Variants in PSMD11 observed in about 807,000 individuals in gnomAD.
PSMD11 encodes proteasome 26S subunit, non-ATPase 11.
PSMD11 carries 5 observed loss-of-function variants against 62.3 expected under a neutral mutation model. The observed-to-expected ratio is 0.08, with a 90% CI of 0.04 to 0.17. The LOEUF is 0.17. Ranked by LOEUF, PSMD11 falls within the 10% of genes least tolerant of loss-of-function variation. The pLI, the probability that PSMD11 is intolerant of heterozygous loss-of-function variation, is 1.00. For missense variants in PSMD11, 310 were observed against 512.9 expected (o/e 0.60, Z 3.82); for synonymous variants, 191 against 191.8 (o/e 1.00, Z 0.03).
At chr17:32,472,386 C>T (rs1908190004) in intron 6 of PSMD11, among the ~76,000 whole-genome samples, 1 of 151,588 alleles carries the variant, frequency 6.6e-6, no homozygotes, top group African/African-American at 2.4e-5. Context: ...CCAAGGCCGG[C>T]TAATTTTTGT....
intron 4 of PSMD11, 99 bp from the exon 5 acceptor site, chr17:32,464,422 A>G (rs1567855235): frequency 1.0e-6 from 1 of 982,338 alleles, no homozygotes; most frequent in Middle Eastern, 2.2e-4. Context: ...ATCATCAGAA[A>G]TTGCATATTT....
chr17:32,459,947 AT>A (rs1907774365), intron 3 of PSMD11, among the ~76,000 whole-genome samples: 1 of 152,016 alleles, frequency 6.6e-6, no homozygotes, highest in Non-Finnish European at 1.5e-5. Flanking sequence ...TTCTTTTAAA[AT>A]TTTTTGACTG....
intron 11 of PSMD11, 46 bp from the exon 12 acceptor site, chr17:32,480,100 C>A (rs1233052053): frequency 6.3e-7 from 1 of 1,590,330 alleles, no homozygotes; most frequent in Admixed American, 1.7e-5. Flanking sequence ...AGGGTGATCT[C>A]TGACTAGTGG....
intron 12 of PSMD11, 89 bp downstream of exon 12, chr17:32,480,286 T>TC: frequency 5.8e-6 from 9 of 1,546,512 alleles, no homozygotes; most frequent in Non-Finnish European, 8.0e-6. Flanking sequence ...TCTATTTGTT[T>TC]CCCCCGATGG....
intron 8 of PSMD11, 23 bp downstream of exon 8, chr17:32,474,847 T>C (rs1167326217): frequency 1.2e-6 from 2 of 1,604,748 alleles, no homozygotes; most frequent in East Asian, 2.2e-5. Context: ...TTGACTGCAG[T>C]TCTGCTCACT....
At chr17:32,444,765 C>CT (rs1328844067) in intron 1 of PSMD11, 151 bp downstream of exon 1, 38 of 853,008 alleles carry the variant, frequency 4.5e-5, no homozygotes, top group Admixed American at 6.0e-5. Flanking sequence ...CCGCTCGGAG[C>CT]TCCCCAGAGC....
chr17:32,476,166 G>T (rs1211429269), intron 8 of PSMD11, among the ~76,000 whole-genome samples: 4 of 152,120 alleles, frequency 2.6e-5, no homozygotes, highest in Non-Finnish European at 2.9e-5. Context: ...TACTCAGGAG[G>T]CTGAGGCAGG....
At chr17:32,450,625 A>C (rs1239019825) in intron 2 of PSMD11, among the ~76,000 whole-genome samples, 2 of 152,038 alleles carry the variant, frequency 1.3e-5, no homozygotes, top group African/African-American at 4.8e-5. Context: ...TAATCCCAGT[A>C]AGAATAGGAG....
chr17:32,448,321 AG>A (rs1907389497), intron 2 of PSMD11, among the ~76,000 whole-genome samples: 1 of 152,150 alleles, frequency 6.6e-6, no homozygotes, highest in Non-Finnish European at 1.5e-5. Context: ...AGCTATAAAA[AG>A]AACCATCCAT....
At chr17:32,469,664 A>G (rs61351206) in intron 6 of PSMD11, among the ~76,000 whole-genome samples, 7 of 151,574 alleles carry the variant, frequency 4.6e-5, no homozygotes, top group African/African-American at 9.7e-5. Flanking sequence ...CTGGGAAGCC[A>G]TGGATTGGCA....
At chr17:32,445,842 A>G (rs1437533635) in intron 1 of PSMD11, 2 of 152,248 alleles carry the variant, frequency 1.3e-5, no homozygotes, top group African/African-American at 4.8e-5. Context: ...GTGGGCGTCA[A>G]GGTGTATCTT....
At chr17:32,463,827 CCTAAAAAA>C (rs1274613722) in intron 3 of PSMD11, among the ~76,000 whole-genome samples, 2 of 152,006 alleles carry the variant, frequency 1.3e-5, no homozygotes, top group Non-Finnish European at 2.9e-5. Flanking sequence ...GAGCTCTTTT[CCTAAAAAA>C]CATAATCTAA....
chr17:32,477,710 C>T (rs1567859047), intron 9 of PSMD11, 127 bp downstream of exon 9: 2 of 728,532 alleles, frequency 2.7e-6, no homozygotes, highest in Non-Finnish European at 4.3e-6. Context: ...GTATCCTTCA[C>T]CTAGGACAGT....
At chr17:32,461,482 A>G (rs1175588679) in intron 3 of PSMD11, among the ~76,000 whole-genome samples, 10 of 151,860 alleles carry the variant, frequency 6.6e-5, no homozygotes, top group Non-Finnish European at 8.8e-5. Context: ...GAGGCAGGAG[A>G]AGTGCTTGAA....
rs1218897425 is a variant in PSMD11 at position 32,480,649 on chromosome 17, G to T, written c.*18G>T. 1.9e-6 allele frequency: 3 copies of T among 1,613,742 alleles called. No homozygotes were observed. The South Asian group carries it at 3.3e-5, about 18-fold the overall frequency. On this transcript the variant is annotated intron_variant, in intron 13 of 13. Transcript: ENST00000261712. ...TGACATAGGTGAGTGCTGGCTTCAG[G>T]ACCCCAGGGCTGGGCAGCTCTGTCT...
intron 2 of PSMD11, chr17:32,447,269 A>G (rs1445428027): frequency 4.5e-6 from 2 of 446,318 alleles, no homozygotes; most frequent in Non-Finnish European, 7.9e-6. Flanking sequence ...TTGTTGGGAT[A>G]TAGTGATTTC....
At position 32,480,879 on chromosome 17, in the gene PSMD11, T is replaced by G; in HGVS notation, c.*127T>G. On this transcript the variant is annotated 3_prime_UTR_variant, in exon 14 of 14. Coordinates refer to ENST00000261712, the MANE Select transcript of PSMD11 (RefSeq NM_002815.4). ...GCTCGGAAAGTTTTTAAATCCTCAT[T>G]TGGTGCATCTGTATTCCAGCCAATA... The G allele has an allele frequency of 2.4e-6, 1 of 422,204 alleles. No individual in the cohort carries two copies. The highest frequency in any genetic ancestry group is 2.0e-5 in the African/African-American group (1 of 49,984). 26.2% of individuals were successfully genotyped at this position (422,204 alleles called of 1,614,324 possible).
At chr17:32,478,816 G>A (rs79914337) in intron 9 of PSMD11, among the ~76,000 whole-genome samples, 116 of 152,226 alleles carry the variant, frequency 7.6e-4, no homozygotes, top group Non-Finnish European at 1.3e-3. Context: ...TTGCTCTTGG[G>A]GCTTACATGG....
At position 32,482,721 on chromosome 17, in the gene PSMD11, T is replaced by C. The variant is rs1159121079; in HGVS notation, c.*1969T>C. The C allele has an allele frequency of 1.3e-5, 2 of 152,196 alleles. No homozygotes were observed. The highest frequency in any genetic ancestry group is 6.5e-5 in the Admixed American group (1 of 15,280). The allele number at this position is 152,196 out of a possible 1,614,324, so 9.4% of individuals were successfully genotyped here. On this transcript the variant is annotated 3_prime_UTR_variant, in exon 14 of 14. Transcript: ENST00000261712. Reference sequence around the variant, plus strand: ...TGATTGTGATGTGAAGCTTAGTAAGTCATAGACGTGCAGGTGTCTGGAGAG... The same window carrying C: ...TGATTGTGATGTGAAGCTTAGTAAGCCATAGACGTGCAGGTGTCTGGAGAG...
Sources: allele counts gnomAD v4.1 joint callset (sites outside exome capture counted in the v4.1 genomes callset), GRCh38; gene constraint gnomAD v4.1.1; transcripts MANE v1.5; gene names NCBI Gene and HGNC (gene_info 2026-07-23, HGNC 2026-07-21).